ERC2: variants seen among roughly 807,000 people sequenced by gnomAD.
ERC2 encodes ERC protein 2.
ERC2 carries 42 observed loss-of-function variants against 114.8 expected under a neutral mutation model. That is an observed-to-expected ratio of 0.37 (90% confidence interval 0.29 to 0.47). The LOEUF (loss-of-function observed/expected upper bound fraction) is 0.47, where lower values mean the gene tolerates loss of function less well. Ranked by LOEUF, ERC2 falls within the 20% of genes least tolerant of loss-of-function variation. The probability of loss-of-function intolerance (pLI) is 0.99; values close to 1 mark genes in which losing one functional copy is unlikely to be tolerated. For synonymous variants in ERC2, 454 were observed against 425.5 expected (o/e 1.07, Z -0.82); for missense variants, 939 against 1,150.7 (o/e 0.82, Z 2.66).
intron 2 of ERC2, among the ~76,000 whole-genome samples, chr3:56,366,252 T>C (rs773471103): frequency 1.3e-5 from 2 of 152,212 alleles, no homozygotes; most frequent in African/African-American, 4.8e-5. Context: ...TCCAAAAAGC[T>C]TTCCCATTCC....
At chr3:55,702,591 C>A (rs1269105523) in intron 15 of ERC2, among the ~76,000 whole-genome samples, 1 of 151,950 alleles carries the variant, frequency 6.6e-6, no homozygotes, top group Non-Finnish European at 1.5e-5. Flanking sequence ...CCCAATTATA[C>A]CGGTTTACAC....
intron 12 of ERC2, among the ~76,000 whole-genome samples, chr3:55,960,385 G>A (rs2068276319): frequency 6.6e-6 from 1 of 152,032 alleles, no homozygotes; most frequent in Non-Finnish European, 1.5e-5. Context: ...TATTTTCCCT[G>A]TCTGGGATTC....
intron 15 of ERC2, among the ~76,000 whole-genome samples, chr3:55,712,721 A>G (rs1236725645): frequency 1.3e-5 from 2 of 152,102 alleles, no homozygotes; most frequent in Non-Finnish European, 2.9e-5. Flanking sequence ...TCCTACACTC[A>G]TATTTTGAGC....
At chr3:55,819,086 T>C (rs542083702) in intron 14 of ERC2, among the ~76,000 whole-genome samples, 2 of 152,360 alleles carry the variant, frequency 1.3e-5, no homozygotes, top group South Asian at 2.1e-4. Flanking sequence ...TTTTCGGCTA[T>C]GGTTTAAAGT....
chr3:55,899,687 T>C (rs745775363), intron 13 of ERC2, among the ~76,000 whole-genome samples: 3 of 152,220 alleles, frequency 2.0e-5, no homozygotes, highest in Non-Finnish European at 2.9e-5. Flanking sequence ...AAATGGTAGA[T>C]ACAATACAAT....
At chr3:56,043,524 G>GA (rs995195560) in intron 7 of ERC2, among the ~76,000 whole-genome samples, 16 of 146,934 alleles carry the variant, frequency 1.1e-4, no homozygotes, top group East Asian at 2.0e-4. Context: ...AAGACACTCA[G>GA]AAAAAAAAAG....
chr3:55,833,261 C>A (rs1398486442), intron 14 of ERC2, among the ~76,000 whole-genome samples: 6 of 150,134 alleles, frequency 4.0e-5, no homozygotes, highest in African/African-American at 7.5e-5. Flanking sequence ...ACAGAGAACA[C>A]CACAAAGATA....
At chr3:56,383,355 C>T (rs931704746) in intron 2 of ERC2, among the ~76,000 whole-genome samples, 2 of 152,182 alleles carry the variant, frequency 1.3e-5, no homozygotes, top group African/African-American at 2.4e-5. Context: ...GGTGCCTTTC[C>T]TTCTAATCCT....
At chr3:55,780,068 A>G (rs2068917249) in intron 14 of ERC2, among the ~76,000 whole-genome samples, 1 of 152,214 alleles carries the variant, frequency 6.6e-6, no homozygotes, top group Non-Finnish European at 1.5e-5. Flanking sequence ...TCTCATCTGA[A>G]TAACAAACAA....
intron 6 of ERC2, among the ~76,000 whole-genome samples, chr3:56,129,542 A>G (rs1205810200): frequency 1.3e-5 from 2 of 152,164 alleles, no homozygotes; most frequent in East Asian, 1.9e-4. Flanking sequence ...AAATTCTGTC[A>G]TCTCCTTTTT....
intron 2 of ERC2, among the ~76,000 whole-genome samples, chr3:56,327,615 G>A (rs1453886742): frequency 6.6e-6 from 1 of 152,140 alleles, no homozygotes; most frequent in Non-Finnish European, 1.5e-5. Context: ...GGCGTAGGTT[G>A]CAATGAGCTG....
At chr3:55,555,225 GT>G (rs2055519387) in intron 17 of ERC2, among the ~76,000 whole-genome samples, 2 of 152,194 alleles carry the variant, frequency 1.3e-5, no homozygotes, top group South Asian at 2.1e-4. Flanking sequence ...TACTGTAAAT[GT>G]TTATGAAAAA....
At chr3:55,557,231 G>A (rs1333096834) in intron 17 of ERC2, among the ~76,000 whole-genome samples, 1 of 152,146 alleles carries the variant, frequency 6.6e-6, no homozygotes, top group Non-Finnish European at 1.5e-5. Context: ...GTGGAAAGTG[G>A]CAGATGGCCC....
chr3:55,669,605 A>C (rs1281016433), intron 17 of ERC2, among the ~76,000 whole-genome samples: 2 of 152,340 alleles, frequency 1.3e-5, no homozygotes, highest in Non-Finnish European at 2.9e-5. Context: ...AAAAGTTTTA[A>C]GCTTCTTCAT....
At chr3:56,455,842 A>G (rs2063037981) in intron 1 of ERC2, among the ~76,000 whole-genome samples, 1 of 152,238 alleles carries the variant, frequency 6.6e-6, no homozygotes, top group Non-Finnish European at 1.5e-5. Flanking sequence ...AGCACTCATC[A>G]TTCAACCAAC....
At chr3:56,040,191 G>A (rs181544580) in intron 7 of ERC2, among the ~76,000 whole-genome samples, 19 of 152,148 alleles carry the variant, frequency 1.2e-4, no homozygotes, top group Admixed American at 6.5e-4. Context: ...AAACATAGAC[G>A]TTGAACACCA....
intron 14 of ERC2, among the ~76,000 whole-genome samples, chr3:55,809,911 C>T (rs2059649910): frequency 1.3e-5 from 2 of 152,184 alleles, no homozygotes; most frequent in Admixed American, 1.3e-4. Context: ...TAGAGGAAAA[C>T]AGTTTTGTTA....
chr3:56,189,593 G>A (rs1274096088), intron 3 of ERC2, among the ~76,000 whole-genome samples: 1 of 152,172 alleles, frequency 6.6e-6, no homozygotes, highest in African/African-American at 2.4e-5. Flanking sequence ...ACAAAGTAAG[G>A]GGTTCTGTAT....
chr3:55,697,802 C>T (rs2063013116), intron 16 of ERC2, among the ~76,000 whole-genome samples: 1 of 151,924 alleles, frequency 6.6e-6, no homozygotes, highest in Non-Finnish European at 1.5e-5. Context: ...GGTCTTCTAG[C>T]ATGTGTGGCT....
Sources: allele counts gnomAD v4.1 joint callset (sites outside exome capture counted in the v4.1 genomes callset), GRCh38; gene constraint gnomAD v4.1.1; transcripts MANE v1.5; gene names NCBI Gene and HGNC (gene_info 2026-07-23, HGNC 2026-07-21).